Variants in ABCA12 observed in about 807,000 individuals in gnomAD.
ABCA12 encodes ATP binding cassette subfamily A member 12.
ABCA12 carries 156 observed loss-of-function variants against 293.5 expected under a neutral mutation model. That is an observed-to-expected ratio of 0.53 (90% confidence interval 0.47 to 0.61). The LOEUF (loss-of-function observed/expected upper bound fraction) is 0.61. Ranked by LOEUF, ABCA12 falls within the 20% of genes least tolerant of loss-of-function variation. The pLI, the probability that ABCA12 is intolerant of heterozygous loss-of-function variation, is 0.00. For missense variants in ABCA12, 2,797 were observed against 3,090.2 expected, an observed-to-expected ratio of 0.91 and a Z score of 2.25; for synonymous variants, 1,063 against 1,108.0, an observed-to-expected ratio of 0.96 and a Z score of 0.81.
chr2:215,054,550 C>A, intron 4 of ABCA12, 23 bp downstream of exon 4: 2 of 1,584,908 alleles, frequency 1.3e-6, no homozygotes, highest in Non-Finnish European at 1.7e-6. Flanking sequence ...TTGTTCTGAA[C>A]TCTACAGAAG....
At chr2:214,964,258 C>T (rs1435333656) in intron 39 of ABCA12, among the ~76,000 whole-genome samples, 1 of 152,086 alleles carries the variant, frequency 6.6e-6, no homozygotes, top group African/African-American at 2.4e-5. Flanking sequence ...ATGGCAAACC[C>T]ACAGCCAATA....
At chr2:214,938,112 C>T (rs375277227) in intron 50 of ABCA12, among the ~76,000 whole-genome samples, 1 of 151,864 alleles carries the variant, frequency 6.6e-6, no homozygotes, top group Non-Finnish European at 1.5e-5. Context: ...CCTAGCCCCC[C>T]ACCCCCCAAC....
intron 18 of ABCA12, 54 bp downstream of exon 18, chr2:215,010,277 A>T (rs1353659602): frequency 1.3e-6 from 2 of 1,599,766 alleles, no homozygotes; most frequent in Non-Finnish European, 1.7e-6. Flanking sequence ...GAAGTTGACT[A>T]CTTTAAAAAA....
At chr2:215,084,781 G>C (rs976260583) in intron 2 of ABCA12, among the ~76,000 whole-genome samples, 2 of 152,052 alleles carry the variant, frequency 1.3e-5, no homozygotes, top group Non-Finnish European at 2.9e-5. Flanking sequence ...CAATATGATT[G>C]GAGAAGGAAC....
At chr2:215,024,771 T>C (rs1323635989) in intron 11 of ABCA12, among the ~76,000 whole-genome samples, 1 of 152,196 alleles carries the variant, frequency 6.6e-6, no homozygotes, top group African/African-American at 2.4e-5. Context: ...CCTGACTATG[T>C]AAATCCAATT....
intron 2 of ABCA12, among the ~76,000 whole-genome samples, chr2:215,100,682 T>A (rs909831602): frequency 7.9e-5 from 12 of 152,196 alleles, no homozygotes; most frequent in Admixed American, 6.5e-4. Flanking sequence ...TACAATTCCA[T>A]CGTAAGCAAC....
Position 214,982,230 on chromosome 2 carries a change from A to C in ABCA12, c.4536T>G (p.Cys1512Trp). Residue 1512 changes from cysteine to tryptophan, a missense_variant, in exon 30 of 53, where the codon TGT becomes TGG. Cys to Trp is a radical substitution (Grantham distance 215). This residue lies in a region of ABCA12 where 2,130 missense variants were observed against 2,427.0 expected (regional missense o/e 0.88). Coordinates refer to ENST00000272895, the MANE Select transcript of ABCA12 (RefSeq NM_173076.3). ...LDEPSTGVDP[C>W]SRRSIWDVIS... ...TAACATCCCATATACTTCGGCGAGA[A>C]CATGGGTCAACTCCAGTAGATGGTT... 6.2e-7 allele frequency: 1 copy of C among 1,614,066 alleles called. No homozygotes were observed.
chr2:214,990,573 A>G (rs574151030), intron 24 of ABCA12, 129 bp downstream of exon 24: 1 of 919,540 alleles, frequency 1.1e-6, no homozygotes, highest in East Asian at 2.6e-5. Context: ...TTAGGACATT[A>G]AGCTTACTTT....
At chr2:214,946,316 G>A (rs529205749) in intron 48 of ABCA12, among the ~76,000 whole-genome samples, 28 of 152,186 alleles carry the variant, frequency 1.8e-4, no homozygotes, top group Admixed American at 3.9e-4. Context: ...GAAGAAGATA[G>A]CATATTTAGT....
chr2:214,959,251 A>G (rs185518165), intron 39 of ABCA12, among the ~76,000 whole-genome samples, 173 bp from the exon 40 acceptor site: 3 of 151,976 alleles, frequency 2.0e-5, no homozygotes, highest in African/African-American at 7.2e-5. Context: ...CATTAATGCC[A>G]TACAATTGGT....
At chr2:214,950,788 A>G in intron 45 of ABCA12, 91 bp downstream of exon 45, 1 of 1,384,738 alleles carries the variant, frequency 7.2e-7, no homozygotes, top group East Asian at 2.3e-5. Flanking sequence ...TACAGGTGTG[A>G]GCCACTGTAC....
At chr2:215,122,017 A>C (rs1031622776) in intron 1 of ABCA12, among the ~76,000 whole-genome samples, 2 of 152,182 alleles carry the variant, frequency 1.3e-5, no homozygotes, top group Non-Finnish European at 2.9e-5. Context: ...CATCTAAAGA[A>C]ATGACTCATC....
chr2:215,115,971 G>A (rs1358924672), intron 1 of ABCA12, among the ~76,000 whole-genome samples: 1 of 152,202 alleles, frequency 6.6e-6, no homozygotes, highest in African/African-American at 2.4e-5. Flanking sequence ...GATTTCATAA[G>A]AGCAGGTTGA....
At chr2:215,105,633 A>C (rs1023708219) in intron 2 of ABCA12, among the ~76,000 whole-genome samples, 2 of 151,872 alleles carry the variant, frequency 1.3e-5, no homozygotes, top group Non-Finnish European at 2.9e-5. Context: ...GCACTTTCAC[A>C]CAGTCACAAA....
At chr2:214,943,128 G>GT (rs1438067715) in intron 49 of ABCA12, 111 bp from the exon 50 acceptor site, 1 of 830,322 alleles carries the variant, frequency 1.2e-6, no homozygotes, top group East Asian at 2.7e-5. Context: ...TACTATTTTA[G>GT]TTTTTTTCTT....
chr2:215,019,393 G>C lies in ABCA12; in HGVS notation c.1600C>G (p.Pro534Ala), dbSNP rs557461059. Residue 534 changes from proline (P) to alanine (A), a missense_variant, in exon 13 of 53, where the codon CCG becomes GCG. This residue lies in a region of ABCA12 where 656 missense variants were observed against 638.2 expected (regional missense o/e 1.03). Coordinates refer to ENST00000272895, the MANE Select transcript of ABCA12 (RefSeq NM_173076.3). ...NYLENITQLI[P>A]IIEAMLHVNN... ...ACATGCAGCATGGCTTCTATGATCG[G>C]TATTAACTGAGTGATATTTTCCAAG... 54 of 1,613,482 alleles carry C rather than the reference G, an allele frequency of 3.3e-5. No homozygotes were observed. The South Asian group carries it at 5.7e-4, about 17-fold the overall frequency.
chr2:215,003,119 A>C (rs1317354742), intron 20 of ABCA12, among the ~76,000 whole-genome samples: 1 of 152,196 alleles, frequency 6.6e-6, no homozygotes, highest in African/African-American at 2.4e-5. Context: ...CCAGTGGTTT[A>C]GAACCTAAAT....
At chr2:214,975,527 CTTAA>C (rs1316478175) in intron 34 of ABCA12, among the ~76,000 whole-genome samples, 2 of 152,130 alleles carry the variant, frequency 1.3e-5, no homozygotes, top group African/African-American at 4.8e-5. Context: ...GCCTGGATTT[CTTAA>C]TTAAAGTCGT....
intron 44 of ABCA12, among the ~76,000 whole-genome samples, chr2:214,953,070 C>T (rs529263500): frequency 6.6e-6 from 1 of 152,312 alleles, no homozygotes; most frequent in South Asian, 2.1e-4. Context: ...GATATGTCTG[C>T]ATAAATATTT....
Sources: allele counts gnomAD v4.1 joint callset (sites outside exome capture counted in the v4.1 genomes callset), GRCh38; gene constraint gnomAD v4.1.1; regional missense constraint gnomAD v4.1.1; transcripts MANE v1.5; gene names NCBI Gene and HGNC (gene_info 2026-07-23, HGNC 2026-07-21).